XPOT: variants seen among roughly 807,000 people sequenced by gnomAD.
XPOT encodes exportin for tRNA, also known as exportin-T.
A neutral mutation model predicts 128.2 loss-of-function variants in XPOT; 34 were observed. The observed-to-expected ratio is 0.27, with a 90% CI of 0.20 to 0.35. The LOEUF (loss-of-function observed/expected upper bound fraction) is 0.35. Ranked by LOEUF, XPOT falls within the 10% of genes least tolerant of loss-of-function variation. XPOT has a pLI of 1.00. For missense variants in XPOT, 838 were observed against 1,125.3 expected (o/e 0.74, Z 3.65); for synonymous variants, 348 against 394.3 (o/e 0.88, Z 1.39).
chr12:64,406,378 AT>A (rs1408885215), intron 1 of XPOT, among the ~76,000 whole-genome samples: 2 of 128,818 alleles, frequency 1.6e-5, no homozygotes, highest in Non-Finnish European at 3.3e-5. Flanking sequence ...CCAGCCAGCA[AT>A]TTTTTTTAGA....
At chr12:64,408,105 C>T (rs1279731395) in intron 1 of XPOT, among the ~76,000 whole-genome samples, 3 of 152,072 alleles carry the variant, frequency 2.0e-5, no homozygotes, top group African/African-American at 7.2e-5. Flanking sequence ...CAAAAAGCCC[C>T]ACAGCCTTTT....
In XPOT at chr12:64,420,359, A is replaced by C. The variant is rs767720251; in HGVS notation, c.681A>C (p.Ile227=). Residue 227 remains isoleucine, a synonymous_variant, in exon 8 of 25, where the codon ATA becomes ATC. Transcript: ENST00000332707. ...DLSLIANDRF[I]NMLLGHMSIE... is the part of the protein sequence containing the mutation. ...TTTATTGTCCCATTACCAGGTTTAT[A>C]AATATGCTGCTAGGTCATATGTCAA... The C allele has an allele frequency of 5.0e-6, 8 of 1,610,798 alleles. No homozygotes were observed. The Admixed American group carries it at 1.4e-4, about 27-fold the overall frequency.
At chr12:64,428,669 T>C (rs1415736865) in intron 16 of XPOT, among the ~76,000 whole-genome samples, 4 of 152,046 alleles carry the variant, frequency 2.6e-5, no homozygotes, top group Non-Finnish European at 5.9e-5. Context: ...TTCTAAAAGA[T>C]CAAAATCTTA....
intron 12 of XPOT, 49 bp from the exon 13 acceptor site, chr12:64,424,989 G>C (rs377521911): frequency 1.3e-5 from 21 of 1,605,696 alleles, no homozygotes; most frequent in Non-Finnish European, 1.5e-5. Context: ...ATAATTTGCT[G>C]TATGAAAAAT....
chr12:64,448,059 A>G (rs762059524), intron 24 of XPOT, 46 bp from the exon 25 acceptor site: 160 of 1,568,520 alleles, frequency 1.0e-4, no homozygotes, highest in South Asian at 1.0e-3. Flanking sequence ...GGTGAAAGTG[A>G]TATCTTCTGA....
In XPOT at chr12:64,440,462, T is replaced by C. The variant is rs2040315970; in HGVS notation, c.2805+1147T>C. Reference sequence around the variant, plus strand: ...CTTTGAGATGCTGATTCCAATTCTTTTAGATAAATACCCAGAAGTGGGATT... The same window carrying C: ...CTTTGAGATGCTGATTCCAATTCTTCTAGATAAATACCCAGAAGTGGGATT... On this transcript the variant is annotated intron_variant, in intron 23 of 24. Transcript: ENST00000332707. Among the ~76,000 whole-genome samples, 5 of 152,246 alleles carry C rather than the reference T, an allele frequency of 3.3e-5. No individual in the cohort carries two copies. In the South Asian group the frequency reaches 1.0e-3, roughly 32 times the overall value.
At chr12:64,425,690 A>G in intron 14 of XPOT, 125 bp from the exon 15 acceptor site, 1 of 1,036,712 alleles carries the variant, frequency 9.6e-7, no homozygotes, top group Admixed American at 2.0e-5. Context: ...AATTACTCGT[A>G]TATTCCTAGT....
At chr12:64,429,957 A>G (rs2040225026) in intron 16 of XPOT, 92 bp from the exon 17 acceptor site, 1 of 1,173,558 alleles carries the variant, frequency 8.5e-7, no homozygotes, top group African/African-American at 1.5e-5. Flanking sequence ...TTGGTGTGAT[A>G]GATTACATTT....
chr12:64,434,683 A>G (rs1257987226), intron 20 of XPOT, 60 bp downstream of exon 20: 26 of 1,535,522 alleles, frequency 1.7e-5, no homozygotes, highest in Admixed American at 3.4e-5. Context: ...ACTCTTAGAC[A>G]TAATGGAACA....
At position 64,448,023 on chromosome 12, in the gene XPOT, A is replaced by T. The variant is rs964364530; in HGVS notation, c.2863-82A>T. On this transcript the variant is annotated intron_variant, in intron 24 of 24. Coordinates refer to ENST00000332707, the MANE Select transcript of XPOT (RefSeq NM_007235.6). ...AATGTTACAGAAGAACATTGCTAGC[A>T]CTCAGATACTTGGAGCCATTCTTCA... 9.8e-6 allele frequency: 12 copies of T among 1,220,544 alleles called. No individual in the cohort carries two copies. In the Middle Eastern group the frequency reaches 9.4e-4, roughly 96 times the overall value. The allele number at this position is 1,220,544 out of a possible 1,614,324, so 75.6% of individuals were successfully genotyped here.
chr12:64,425,483 T>G (rs1016745306), intron 14 of XPOT, 26 bp downstream of exon 14: 1 of 1,610,524 alleles, frequency 6.2e-7, no homozygotes, highest in Non-Finnish European at 8.5e-7. Flanking sequence ...TTTTGTTACT[T>G]TCCATGGGTT....
At chr12:64,417,563 T>A (rs2040098919) in intron 4 of XPOT, among the ~76,000 whole-genome samples, 1 of 152,116 alleles carries the variant, frequency 6.6e-6, no homozygotes, top group Non-Finnish European at 1.5e-5. Flanking sequence ...TCCAGATATT[T>A]CACAGAAAAA....
intron 16 of XPOT, among the ~76,000 whole-genome samples, chr12:64,428,847 G>C (rs1275278489): frequency 6.6e-6 from 1 of 152,154 alleles, no homozygotes; most frequent in Non-Finnish European, 1.5e-5. Flanking sequence ...AGCATAAACA[G>C]TTATAAAAAT....
Position 64,425,025 on chromosome 12 carries a change from T to TC in XPOT, c.1308-13_1308-12insC. On this transcript the variant is annotated splice_polypyrimidine_tract_variant and intron_variant, in intron 12 of 24. Transcript: ENST00000332707. ...TTATCTTTAAATCTCACTGACATAT[T>TC]ATACCTTGGTAGGAATTGGCAGACT... 2 of 1,612,178 alleles carry TC rather than the reference T, an allele frequency of 1.2e-6. No individual in the cohort carries two copies. The highest frequency in any genetic ancestry group is 1.7e-6 in the Non-Finnish European group (2 of 1,179,914).
At chr12:64,417,415 G>A (rs978705195) in intron 4 of XPOT, among the ~76,000 whole-genome samples, 1 of 152,054 alleles carries the variant, frequency 6.6e-6, no homozygotes, top group Non-Finnish European at 1.5e-5. Flanking sequence ...AGGCATGATT[G>A]CGCGCTTCTG....
Position 64,433,739 on chromosome 12 carries a change from T to C in XPOT, c.2452+136T>C, listed in dbSNP as rs1376244138. The C allele has an allele frequency of 1.9e-5, 15 of 772,032 alleles. No homozygotes were observed. The East Asian group carries it at 4.7e-4, about 24-fold the overall frequency. The allele number at this position is 772,032 out of a possible 1,614,324, so 47.8% of individuals were successfully genotyped here. A position where few individuals can be genotyped will look rare whatever the true frequency, so the allele number is the denominator to read the frequency against. On this transcript the variant is annotated intron_variant, in intron 19 of 24. Coordinates refer to ENST00000332707, the MANE Select transcript of XPOT (RefSeq NM_007235.6). Reference sequence around the variant, plus strand: ...CCCATGGGAAGACAGTTTATTGTTTTCAGGGTGGGAATTGATCACTTTTAT... The same window carrying C: ...CCCATGGGAAGACAGTTTATTGTTTCCAGGGTGGGAATTGATCACTTTTAT...
Position 64,409,975 on chromosome 12 carries a change from C to A in XPOT, c.-61C>A. The A allele has an allele frequency of 7.1e-7, 1 of 1,407,672 alleles. No individual in the cohort carries two copies. The allele number at this position is 1,407,672 out of a possible 1,614,324, so 87.2% of individuals were successfully genotyped here. ...TTTTTGTGGCAGATGTTTATAAATT[C>A]TTCTGTGGGATCAGAGGGCACGCCT... On this transcript the variant is annotated 5_prime_UTR_variant, in exon 2 of 25. Coordinates refer to ENST00000332707, the MANE Select transcript of XPOT (RefSeq NM_007235.6).
At position 64,449,926 on chromosome 12, in the gene XPOT, G is replaced by C. The variant is rs546202374; in HGVS notation, c.*1795G>C. 2 of 152,274 alleles carry C rather than the reference G, an allele frequency of 1.3e-5. No homozygotes were observed. Among genetic ancestry groups the C allele is most frequent in the Admixed American group, 1.3e-4 (2 of 15,284 alleles). The allele number at this position is 152,274 out of a possible 1,614,324, so 9.4% of individuals were successfully genotyped here. A position where few individuals can be genotyped will look rare whatever the true frequency, so the allele number is the denominator to read the frequency against. ...TTAAGTAGGTTCAAATACCAGTTCTGCCAGTAACTGGTTTTAGAACCTTGG... is the reference window on the plus strand; with the variant it reads ...TTAAGTAGGTTCAAATACCAGTTCTCCCAGTAACTGGTTTTAGAACCTTGG... On this transcript the variant is annotated 3_prime_UTR_variant, in exon 25 of 25. Coordinates refer to ENST00000332707, the MANE Select transcript of XPOT (RefSeq NM_007235.6).
chr12:64,406,707 A>G (rs1304614398), intron 1 of XPOT, among the ~76,000 whole-genome samples: 1 of 152,076 alleles, frequency 6.6e-6, no homozygotes, highest in Non-Finnish European at 1.5e-5. Flanking sequence ...AGCAAATTCA[A>G]GGAAGCTTTT....
Sources: allele counts gnomAD v4.1 joint callset (sites outside exome capture counted in the v4.1 genomes callset), GRCh38; gene constraint gnomAD v4.1.1; transcripts MANE v1.5; gene names NCBI Gene and HGNC (gene_info 2026-07-23, HGNC 2026-07-21).